Variants in RANBP2 observed in about 807,000 individuals in gnomAD.
RANBP2 encodes the protein RAN binding protein 2, also known as E3 SUMO-protein ligase RanBP2.
RANBP2 carries 57 observed loss-of-function variants against 303.6 expected under a neutral mutation model. The observed-to-expected ratio is 0.19, with a 90% CI of 0.15 to 0.23. RANBP2 has a LOEUF of 0.23. Among genes scored for constraint, RANBP2 ranks in the 10% least tolerant of loss-of-function variants. RANBP2 has a pLI of 1.00. For synonymous variants in RANBP2, 1,167 were observed against 1,301.5 expected, an observed-to-expected ratio of 0.90 and a Z score of 2.23; for missense variants, 3,138 against 3,780.8, an observed-to-expected ratio of 0.83 and a Z score of 4.46.
chr2:108,832,361 T>C, the RANBP2 span, among the ~76,000 whole-genome samples: 2 of 149,902 alleles, frequency 1.3e-5, no homozygotes, highest in Non-Finnish European at 3.0e-5. Context: ...TTTTTTTTTT[T>C]TTTGAGACAG....
the RANBP2 span, among the ~76,000 whole-genome samples, chr2:109,453,540 A>G: frequency 5.9e-5 from 9 of 152,118 alleles, no homozygotes; most frequent in Non-Finnish European, 7.4e-5. Flanking sequence ...GAAGGGTGCA[A>G]TGGGCTGCGT....
the RANBP2 span, among the ~76,000 whole-genome samples, chr2:109,500,225 T>C: frequency 6.6e-6 from 1 of 152,092 alleles, no homozygotes; most frequent in Non-Finnish European, 1.5e-5. Flanking sequence ...CAAGTTGTTA[T>C]AGGCAGAGGT....
the RANBP2 span, among the ~76,000 whole-genome samples, chr2:109,190,558 TG>T: frequency 2.6e-5 from 4 of 152,234 alleles, no homozygotes; most frequent in African/African-American, 9.6e-5. Flanking sequence ...GTATAACACC[TG>T]AGTGAACAGA....
At chr2:109,229,973 C>T in the RANBP2 span, among the ~76,000 whole-genome samples, 13,383 of 151,664 alleles carry the variant, frequency 0.088, 1,068 homozygotes, top group East Asian at 0.31. Flanking sequence ...TACAGGCGCA[C>T]GCCAGTATGC....
the RANBP2 span, among the ~76,000 whole-genome samples, chr2:109,371,863 C>T: frequency 1.3e-5 from 2 of 152,206 alleles, no homozygotes; most frequent in African/African-American, 4.8e-5. Context: ...GTGCTGTGAG[C>T]ACTGCCTTGG....
chr2:109,794,614 G>GGGCGGCGGCGGCGGC, the RANBP2 span: 1 of 72,258 alleles, frequency 1.4e-5, no homozygotes, highest in African/African-American at 1.1e-4. Flanking sequence ...GCGGCGGGGG[G>GGGCGGCGGCGGCGGC]GGCGGCGGCG....
the RANBP2 span, among the ~76,000 whole-genome samples, chr2:109,070,197 G>A: frequency 6.6e-6 from 1 of 152,168 alleles, no homozygotes; most frequent in Non-Finnish European, 1.5e-5. Flanking sequence ...AAGACAGGGA[G>A]GTGTTAAAGG....
chr2:109,437,057 A>G, the RANBP2 span: 1 of 1,613,740 alleles, frequency 6.2e-7, no homozygotes, highest in Non-Finnish European at 8.5e-7. Context: ...GCCCACGCCC[A>G]GCACCCCACA....
At chr2:109,467,783 C>G in the RANBP2 span, among the ~76,000 whole-genome samples, 8 of 152,174 alleles carry the variant, frequency 5.3e-5, no homozygotes, top group African/African-American at 1.9e-4. Context: ...CTGATCTGAC[C>G]GTTCTGCAGT....
the RANBP2 span, among the ~76,000 whole-genome samples, chr2:109,629,337 ATATATATATATATATATATTTTTTTT>A: frequency 6.9e-4 from 7 of 10,138 alleles, no homozygotes; most frequent in African/African-American, 3.2e-3. Flanking sequence ...ATATATATAT[ATATATATATATATATATATTTTTTTT>A]TTTTTTTTCA....
the RANBP2 span, among the ~76,000 whole-genome samples, chr2:109,192,478 G>A: frequency 6.6e-6 from 1 of 152,144 alleles, no homozygotes; most frequent in Admixed American, 6.5e-5. Context: ...ATTTGTATTA[G>A]CCTGGTATAC....
the RANBP2 span, among the ~76,000 whole-genome samples, chr2:109,170,244 T>TTTCTC: frequency 0.034 from 1,115 of 32,652 alleles, 18 homozygotes; most frequent in Non-Finnish European, 0.054. Flanking sequence ...CTTCTTTTCT[T>TTTCTC]TTCTCTTCTC....
At chr2:108,993,694 C>T in the RANBP2 span, among the ~76,000 whole-genome samples, 1 of 152,158 alleles carries the variant, frequency 6.6e-6, no homozygotes, top group African/African-American at 2.4e-5. Context: ...GTTGATTGTA[C>T]CCTATTGGAG....
At chr2:109,167,238 A>G in the RANBP2 span, among the ~76,000 whole-genome samples, 1 of 152,250 alleles carries the variant, frequency 6.6e-6, no homozygotes, top group Non-Finnish European at 1.5e-5. Flanking sequence ...TGGCATTTTT[A>G]GACCAAAATG....
the RANBP2 span, among the ~76,000 whole-genome samples, chr2:109,194,449 C>T: frequency 6.6e-6 from 1 of 152,244 alleles, no homozygotes; most frequent in Non-Finnish European, 1.5e-5. Flanking sequence ...TGGCTGATGG[C>T]AGCTGTGTTG....
chr2:108,846,789 G>A, the RANBP2 span: 1 of 1,612,854 alleles, frequency 6.2e-7, no homozygotes. Flanking sequence ...CATTTTTAAA[G>A]GAGTGGTAAC....
the RANBP2 span, among the ~76,000 whole-genome samples, chr2:108,793,489 A>G: frequency 6.6e-6 from 1 of 152,222 alleles, no homozygotes; most frequent in African/African-American, 2.4e-5. Context: ...TGATACAGCC[A>G]CTTTGGAAAA....
the RANBP2 span, among the ~76,000 whole-genome samples, chr2:109,669,867 AC>A: frequency 5.3e-4 from 51 of 96,736 alleles, no homozygotes; most frequent in African/African-American, 1.9e-3. Flanking sequence ...CAGTCGCCCC[AC>A]CCCCCGTGCC....
the RANBP2 span, among the ~76,000 whole-genome samples, chr2:109,078,973 G>A: frequency 2.0e-5 from 3 of 151,940 alleles, no homozygotes; most frequent in Admixed American, 6.6e-5. Context: ...CCTGGGCAAC[G>A]GAGCGAGACT....
Sources: gnomAD v4.1 joint callset for allele counts (sites outside exome capture counted in the v4.1 genomes callset) on GRCh38, gnomAD v4.1.1 for gene constraint, MANE v1.5 for transcripts, NCBI Gene and HGNC (gene_info 2026-07-23, HGNC 2026-07-21) for gene names.